SPECC1: variants seen among roughly 807,000 people sequenced by gnomAD.
SPECC1 encodes the protein sperm antigen with calponin homology and coiled-coil domains 1.
A neutral mutation model predicts 104.1 loss-of-function variants in SPECC1; 62 were observed. That is an observed-to-expected ratio of 0.60 (90% CI 0.49 to 0.74). The LOEUF is 0.74. Ranked by LOEUF, SPECC1 falls within the 30% of genes least tolerant of loss-of-function variation. SPECC1 has a pLI of 0.00. For synonymous variants in SPECC1, 513 were observed against 501.6 expected (o/e 1.02, Z -0.30); for missense variants, 1,306 against 1,310.5 (o/e 1.00, Z 0.05).
intron 7 of SPECC1, 150 bp from the exon 8 acceptor site, chr17:20,245,776 C>T (rs2039396602): frequency 1.1e-6 from 1 of 897,390 alleles, no homozygotes; most frequent in Non-Finnish European, 1.6e-6. Context: ...CCTAAAGATG[C>T]AAACTGGTAG....
rs2038643841 is a variant in SPECC1 at position 20,232,352 on chromosome 17, G to GC, written c.2299dup (p.Leu767ProfsTer22). On this transcript the variant is annotated frameshift_variant, in exon 7 of 15. Coordinates refer to ENST00000395527, the MANE Select transcript of SPECC1 (RefSeq NM_001243439.2). LOFTEE classifies it high-confidence loss of function. ...AGAAGAATGCCCGGTTGCAGAAGGA[G>GC]CTGGGGGATGTGCAGGGCCACGGCA... The GC allele has an allele frequency of 6.2e-7, 1 of 1,613,878 alleles. No individual in the cohort carries two copies. The highest frequency in any genetic ancestry group is 8.5e-7 in the Non-Finnish European group (1 of 1,179,958).
chr17:20,083,311 A>G (rs990080331), intron 1 of SPECC1, among the ~76,000 whole-genome samples: 3 of 152,220 alleles, frequency 2.0e-5, no homozygotes, highest in Non-Finnish European at 4.4e-5. Context: ...TTGGAGAGAC[A>G]TAACTGGCAT....
chr17:20,134,612 G>C (rs1295569763), intron 3 of SPECC1, among the ~76,000 whole-genome samples: 1 of 152,118 alleles, frequency 6.6e-6, no homozygotes, highest in Non-Finnish European at 1.5e-5. Context: ...TTATTGCTTA[G>C]GAAAGTTTTG....
chr17:20,064,599 A>T (rs2046301046), intron 1 of SPECC1, among the ~76,000 whole-genome samples: 1 of 152,114 alleles, frequency 6.6e-6, no homozygotes, highest in Admixed American at 6.5e-5. Context: ...TTCCATCCCT[A>T]CGGGACCTCT....
intron 4 of SPECC1, among the ~76,000 whole-genome samples, chr17:20,206,997 G>C (rs986322164): frequency 1.3e-5 from 2 of 152,124 alleles, no homozygotes; most frequent in African/African-American, 4.8e-5. Flanking sequence ...TGTTTTTGAT[G>C]CAAGAATTGT....
At chr17:20,079,570 G>A (rs1008786510) in intron 1 of SPECC1, among the ~76,000 whole-genome samples, 7 of 152,272 alleles carry the variant, frequency 4.6e-5, no homozygotes, top group Non-Finnish European at 8.8e-5. Context: ...GATTACAAGC[G>A]TGAACCACTG....
intron 1 of SPECC1, among the ~76,000 whole-genome samples, chr17:20,086,829 T>C (rs9911879): frequency 1.3e-5 from 2 of 152,036 alleles, no homozygotes; most frequent in Admixed American, 1.3e-4. Context: ...CACGGAAGCA[T>C]GTTGGTAGAG....
chr17:20,307,817 G>A (rs1271941727), intron 14 of SPECC1, among the ~76,000 whole-genome samples: 1 of 152,162 alleles, frequency 6.6e-6, no homozygotes, highest in Non-Finnish European at 1.5e-5. Context: ...ATGATGAAAG[G>A]ATAATGAAAG....
In SPECC1 at chr17:20,205,208, A is replaced by G. The variant is rs897892462; in HGVS notation, c.1159A>G (p.Thr387Ala). 1 of 1,614,046 alleles carries G rather than the reference A, an allele frequency of 6.2e-7. No homozygotes were observed. The highest frequency in any genetic ancestry group is 8.5e-7 in the Non-Finnish European group (1 of 1,180,044). ...AAAGATGGAAGAAAACCACCATAGC[A>G]CTGCAGAAGAACTACAGGCTACTCT... Reference protein sequence around the residue: ...IQKMEENHHSTAEELQATLQE... With the variant: ...IQKMEENHHSAAEELQATLQE... Residue 387 changes from threonine (T) to alanine (A), a missense_variant, in exon 4 of 15, where the codon ACT becomes GCT. Physicochemically the swap from Thr to Ala is moderately conservative, Grantham distance 58 (BLOSUM62 0). Coordinates refer to ENST00000395527, the MANE Select transcript of SPECC1 (RefSeq NM_001243439.2).
At chr17:20,199,880 C>G (rs905418767) in intron 3 of SPECC1, among the ~76,000 whole-genome samples, 8 of 152,180 alleles carry the variant, frequency 5.3e-5, no homozygotes, top group African/African-American at 1.9e-4. Flanking sequence ...ACCTCCGCCT[C>G]CCGGCTTTAA....
intron 12 of SPECC1, among the ~76,000 whole-genome samples, chr17:20,270,433 C>CAAAAAAAAA (rs71157863): frequency 1.8e-4 from 8 of 43,572 alleles, no homozygotes; most frequent in Admixed American, 3.9e-4. Flanking sequence ...CTGTCTTTAC[C>CAAAAAAAAA]AAAAAAAAAA....
chr17:20,244,963 A>G (rs1420095303), intron 7 of SPECC1, among the ~76,000 whole-genome samples: 3 of 152,208 alleles, frequency 2.0e-5, no homozygotes, highest in African/African-American at 4.8e-5. Context: ...TCAATGATCT[A>G]TCATAGAATG....
intron 3 of SPECC1, among the ~76,000 whole-genome samples, chr17:20,144,778 A>G (rs557620141): frequency 4.3e-4 from 65 of 152,220 alleles, no homozygotes; most frequent in African/African-American, 1.4e-3. Context: ...CTCAATGAAG[A>G]TTTTTTATAT....
At chr17:20,026,879 A>G (rs886781783) in intron 1 of SPECC1, among the ~76,000 whole-genome samples, 7 of 152,210 alleles carry the variant, frequency 4.6e-5, no homozygotes, top group Admixed American at 3.9e-4. Context: ...CATAATGGCC[A>G]TTACCAATTT....
intron 3 of SPECC1, among the ~76,000 whole-genome samples, chr17:20,176,137 C>G (rs145037658): frequency 6.6e-6 from 1 of 152,284 alleles, no homozygotes; most frequent in African/African-American, 2.4e-5. Flanking sequence ...TAGTTTCTTG[C>G]TTGCTTGCTA....
chr17:20,184,770 A>G (rs1013449126), intron 3 of SPECC1, among the ~76,000 whole-genome samples: 2 of 152,238 alleles, frequency 1.3e-5, no homozygotes, highest in African/African-American at 2.4e-5. Flanking sequence ...TTTAAGTATT[A>G]TTATTAAAGT....
intron 3 of SPECC1, chr17:20,156,258 C>G: frequency 7.5e-7 from 1 of 1,333,816 alleles, no homozygotes. Context: ...TGGCGGGGGT[C>G]GCGCCGCAGC....
At chr17:20,194,014 C>T (rs1314029872) in intron 3 of SPECC1, among the ~76,000 whole-genome samples, 1 of 152,170 alleles carries the variant, frequency 6.6e-6, no homozygotes, top group East Asian at 1.9e-4. Context: ...GTTCTTGAAA[C>T]ATATTTCTCT....
intron 3 of SPECC1, among the ~76,000 whole-genome samples, chr17:20,190,644 C>T (rs140275991): frequency 1.3e-5 from 2 of 152,112 alleles, no homozygotes; most frequent in East Asian, 1.9e-4. Flanking sequence ...GCTCAGAGTC[C>T]GTGGTTTACA....
Sources: gnomAD v4.1 joint callset for allele counts (sites outside exome capture counted in the v4.1 genomes callset) on GRCh38, gnomAD v4.1.1 for gene constraint, MANE v1.5 for transcripts, NCBI Gene and HGNC (gene_info 2026-07-23, HGNC 2026-07-21) for gene names.